Variants in LALBA observed in about 807,000 individuals in gnomAD.
The protein encoded by LALBA is alpha-lactalbumin.
In LALBA, 12 loss-of-function variants were observed where a neutral mutation model predicts 13.4. The ratio of observed to expected loss-of-function variants is 0.89; its 90% CI spans 0.57 to 1.45. The LOEUF is 1.45. Among genes scored for constraint, LALBA ranks in the 40% most tolerant of loss-of-function variants. The probability of loss-of-function intolerance (pLI) is 0.00; values close to 1 mark genes in which losing one functional copy is unlikely to be tolerated. For synonymous variants in LALBA, 64 were observed against 61.0 expected, an observed-to-expected ratio of 1.05 and a Z score of -0.23; for missense variants, 145 against 165.9, an observed-to-expected ratio of 0.87 and a Z score of 0.69.
intron 3 of LALBA, 142 bp from the exon 4 acceptor site, chr12:48,568,159 T>G (rs2137133311): frequency 1.5e-6 from 1 of 686,024 alleles, no homozygotes; most frequent in South Asian, 1.7e-5. Context: ...AGCCATCAAG[T>G]GGAATACAGT....
chr12:48,571,103 C>A (rs141628691), upstream of LALBA, among the ~76,000 whole-genome samples: 2 of 151,726 alleles, frequency 1.3e-5, no homozygotes, highest in Non-Finnish European at 2.9e-5. Flanking sequence ...TTACATAAAT[C>A]TAAGACCAAT....
At chr12:48,569,302 T>A in intron 1 of LALBA, 62 bp from the exon 2 acceptor site, 1 of 1,409,246 alleles carries the variant, frequency 7.1e-7, no homozygotes, top group Non-Finnish European at 9.7e-7. Context: ...AAGGAGGAAC[T>A]GTAATTCTCA....
At chr12:48,569,491 A>G (rs565077754) in intron 1 of LALBA, among the ~76,000 whole-genome samples, 110 of 152,316 alleles carry the variant, frequency 7.2e-4, no homozygotes, top group African/African-American at 2.5e-3. Context: ...AGGAGGGCGG[A>G]TCACCTGAGG....
upstream of LALBA, among the ~76,000 whole-genome samples, chr12:48,571,509 C>T (rs1165874638): frequency 1.3e-5 from 2 of 149,660 alleles, no homozygotes; most frequent in Non-Finnish European, 3.0e-5. Flanking sequence ...CTCAGCCTCC[C>T]GAGTAGCTGG....
At chr12:48,571,110 C>G (rs180922494), upstream of LALBA, among the ~76,000 whole-genome samples, 1 of 151,910 alleles carries the variant, frequency 6.6e-6, no homozygotes, top group African/African-American at 2.4e-5. Context: ...AATCTAAGAC[C>G]AATAACTTGT....
At position 48,567,798 on chromosome 12, in the gene LALBA, T is replaced by G. The variant is rs1207214680; in HGVS notation, c.*159A>C. The G allele has an allele frequency of 1.5e-6, 1 of 656,730 alleles. No homozygotes were observed. Among genetic ancestry groups the G allele is most frequent in the African/African-American group, 1.8e-5 (1 of 55,260 alleles). The allele number at this position is 656,730 out of a possible 1,614,324, so 40.7% of individuals were successfully genotyped here. A position where few individuals can be genotyped will look rare whatever the true frequency, so the allele number is the denominator to read the frequency against. On this transcript the variant is annotated 3_prime_UTR_variant, in exon 4 of 4. Transcript: ENST00000301046. ...GCTCAGTGCACCACTCAGGCATCCC[T>G]GGAAAATAGTCTTCAAGAATTCGGT... is the stretch of plus-strand genomic sequence containing the variant.
At chr12:48,571,136 T>C (rs1190479388), upstream of LALBA, among the ~76,000 whole-genome samples, 3 of 152,134 alleles carry the variant, frequency 2.0e-5, no homozygotes, top group Non-Finnish European at 2.9e-5. Context: ...ACCTCAGAGT[T>C]GGCCACAGAA....
upstream of LALBA, among the ~76,000 whole-genome samples, chr12:48,571,682 C>T (rs781725870): frequency 5.3e-5 from 8 of 152,016 alleles, no homozygotes; most frequent in Non-Finnish European, 7.4e-5. Flanking sequence ...GGAGCCGCTG[C>T]GCTGTTTCTT....
rs756821097 is a variant in LALBA, at chr12:48,569,938, G to C, written c.83C>G (p.Ser28Cys). ...LAKQFTKCEL[S>C]QLLKDIDGYG... The stretch of plus-strand genomic sequence containing the variant: ...ACCATCTATGTCTTTCAGCAGCTGG[G>C]ACAGCTCACATTTTGTGAATTGCTT... The change falls in exon 1 of 4, where the codon TCC (serine) becomes TGC (cysteine). Residue 28 changes from serine (S) to cysteine (C), a missense_variant. Coordinates refer to ENST00000301046, the MANE Select transcript of LALBA (RefSeq NM_002289.3). 1 of 1,613,978 alleles carries C rather than the reference G, an allele frequency of 6.2e-7. No individual in the cohort carries two copies. Among genetic ancestry groups the C allele is most frequent in the Admixed American group, 1.7e-5 (1 of 59,994 alleles).
At position 48,569,900 on chromosome 12, in the gene LALBA, C is replaced by A; in HGVS notation, c.121G>T (p.Ala41Ser). The A allele has an allele frequency of 6.2e-7, 1 of 1,613,700 alleles. No individual in the cohort carries two copies. The highest frequency in any genetic ancestry group is 8.5e-7 in the Non-Finnish European group (1 of 1,179,848). The change falls in exon 1 of 4, where the codon GCT (alanine) becomes TCT (serine). Residue 41 changes from alanine to serine, a missense_variant. By Grantham distance (99) the Ala-to-Ser change is moderately conservative (BLOSUM62 1). Transcript: ENST00000301046. The stretch of plus-strand genomic sequence containing the variant: ...GCAGGGAACTCACATTCAGGCAAAG[C>A]GATGCCTCCATAACCATCTATGTCT... ...LKDIDGYGGI[A>S]LPELICTMFH...
upstream of LALBA, among the ~76,000 whole-genome samples, chr12:48,570,365 G>C (rs1013183089): frequency 6.6e-6 from 1 of 152,156 alleles, no homozygotes; most frequent in African/African-American, 2.4e-5. Flanking sequence ...GAACAAAGAA[G>C]GGCATGGGGG....
At chr12:48,568,217 T>C (rs187257743) in intron 3 of LALBA, 200 bp from the exon 4 acceptor site, 2 of 621,042 alleles carry the variant, frequency 3.2e-6, no homozygotes, top group Non-Finnish European at 5.8e-6. Context: ...AGAGATGCAA[T>C]GTTACCAACA....
At position 48,568,025 on chromosome 12, in the gene LALBA, T is replaced by C. The variant is rs1227509712; in HGVS notation, c.369-8A>G. 4 of 1,590,804 alleles carry C rather than the reference T, an allele frequency of 2.5e-6. No homozygotes were observed. The highest frequency in any genetic ancestry group is 2.6e-6 in the Non-Finnish European group (3 of 1,167,654). ...AGGGCTTTATGGGCCAACCTGATAA[T>C]GGAGAAGGGGGACAAGGTGAGTTAG... On this transcript the variant is annotated splice_polypyrimidine_tract_variant and splice_region_variant and intron_variant, in intron 3 of 3. Coordinates refer to ENST00000301046, the MANE Select transcript of LALBA (RefSeq NM_002289.3).
upstream of LALBA, among the ~76,000 whole-genome samples, chr12:48,571,769 A>G (rs1483492700): frequency 1.3e-5 from 2 of 152,082 alleles, no homozygotes; most frequent in Non-Finnish European, 2.9e-5. Context: ...GTTATCTCCT[A>G]CATGTATTCA....
At chr12:48,570,128 A>C, upstream of LALBA, 1 of 1,193,184 alleles carries the variant, frequency 8.4e-7, no homozygotes, top group South Asian at 1.4e-5. Context: ...ATCTAGGAAG[A>C]GAATGAAGAG....
At chr12:48,568,155 C>T in intron 3 of LALBA, 138 bp from the exon 4 acceptor site, 4 of 710,710 alleles carry the variant, frequency 5.6e-6, no homozygotes, top group South Asian at 4.9e-5. Flanking sequence ...CACAAGCCAT[C>T]AAGTGGAATA....
rs1406106056 is a variant in LALBA at position 48,570,008 on chromosome 12, C to G, written c.13G>C (p.Val5Leu). The change falls in exon 1 of 4, where the codon GTC (valine) becomes CTC (leucine). Residue 5 changes from valine (V) to leucine (L), a missense_variant. Physicochemically the swap from Val to Leu is conservative, Grantham distance 32. Transcript: ENST00000301046. ...AGGATGCCCACCAGGAACAGAGGGACAAAGAACCTCATTTTGGCTACCCCC... is the reference window on the plus strand; with the variant it reads ...AGGATGCCCACCAGGAACAGAGGGAGAAAGAACCTCATTTTGGCTACCCCC... MRFF[V>L]PLFLVGILFP... 6.2e-7 allele frequency: 1 copy of G among 1,613,940 alleles called. No homozygotes were observed. Among genetic ancestry groups the G allele is most frequent in the Non-Finnish European group, 8.5e-7 (1 of 1,179,968 alleles).
upstream of LALBA, among the ~76,000 whole-genome samples, chr12:48,570,568 A>T (rs574740615): frequency 6.6e-6 from 1 of 152,288 alleles, no homozygotes; most frequent in African/African-American, 2.4e-5. Flanking sequence ...TTAATATGGT[A>T]GCTCATGACT....
chr12:48,567,941 C>G lies in LALBA; in HGVS notation c.*16G>C. 1 of 1,601,282 alleles carries G rather than the reference C, an allele frequency of 6.2e-7. No individual in the cohort carries two copies. The highest frequency in any genetic ancestry group is 8.5e-7 in the Non-Finnish European group (1 of 1,173,746). On this transcript the variant is annotated 3_prime_UTR_variant, in exon 4 of 4. Transcript: ENST00000301046. Reference sequence around the variant, plus strand: ...AGGAGTGTGGAGTGGGCAGGGGTGCCAAGGACAGCAGACACTCACAACTTC... The same window carrying G: ...AGGAGTGTGGAGTGGGCAGGGGTGCGAAGGACAGCAGACACTCACAACTTC...
Sources: allele counts gnomAD v4.1 joint callset (sites outside exome capture counted in the v4.1 genomes callset), GRCh38; gene constraint gnomAD v4.1.1; transcripts MANE v1.5; gene names NCBI Gene and HGNC (gene_info 2026-07-23, HGNC 2026-07-21).